Variants in PGM2L1 observed in about 807,000 individuals in gnomAD.
PGM2L1 encodes the protein phosphoglucomutase 2 like 1.
Under a neutral mutation model 73.4 loss-of-function variants are expected in PGM2L1, and 35 were observed. The observed-to-expected ratio is 0.48, with a 90% CI of 0.36 to 0.63. The LOEUF is 0.63. Ranked by LOEUF, PGM2L1 falls within the 30% of genes least tolerant of loss-of-function variation. The pLI is 0.00. For synonymous variants in PGM2L1, 225 were observed against 253.8 expected (o/e 0.89, Z 1.08); for missense variants, 570 against 742.0 (o/e 0.77, Z 2.69).
intron 6 of PGM2L1, among the ~76,000 whole-genome samples, chr11:74,348,849 A>G (rs1862307029): frequency 6.6e-6 from 1 of 152,218 alleles, no homozygotes; most frequent in Admixed American, 6.5e-5. Context: ...AACTGCATTT[A>G]GAGGTAACAT....
At chr11:74,384,138 C>A (rs185449637) in intron 1 of PGM2L1, among the ~76,000 whole-genome samples, 4 of 152,048 alleles carry the variant, frequency 2.6e-5, no homozygotes, top group Non-Finnish European at 4.4e-5. Context: ...CCACTCCCCC[C>A]GCATCCTTTT....
chr11:74,398,035 C>T lies in PGM2L1; in HGVS notation c.111+16G>A. The T allele has an allele frequency of 1.3e-6, 2 of 1,590,002 alleles. No homozygotes were observed. Among genetic ancestry groups the T allele is most frequent in the Non-Finnish European group, 1.7e-6 (2 of 1,167,414 alleles). ...GGGGGAGGCGACGGCGTTTGCCGGG[C>T]TGACCAGGTACCCACCTTATCCCAG... is the stretch of plus-strand genomic sequence containing the variant. On this transcript the variant is annotated intron_variant, in intron 1 of 13. Transcript: ENST00000298198.
At chr11:74,349,402 C>T (rs939616158) in intron 6 of PGM2L1, among the ~76,000 whole-genome samples, 15 of 152,062 alleles carry the variant, frequency 9.9e-5, no homozygotes, top group African/African-American at 3.4e-4. Flanking sequence ...CTTTTTGATG[C>T]CCAACTATCC....
chr11:74,381,403 T>A (rs1407716063), intron 1 of PGM2L1, among the ~76,000 whole-genome samples: 1 of 152,090 alleles, frequency 6.6e-6, no homozygotes, highest in African/African-American at 2.4e-5. Flanking sequence ...GAGGAGTATG[T>A]AGCAACAAGA....
chr11:74,389,116 G>A (rs527523616), intron 1 of PGM2L1, among the ~76,000 whole-genome samples: 17 of 152,134 alleles, frequency 1.1e-4, no homozygotes, highest in Non-Finnish European at 1.9e-4. Flanking sequence ...CTAAGCTAAT[G>A]TAACCAGGTG....
intron 5 of PGM2L1, among the ~76,000 whole-genome samples, chr11:74,359,545 G>GTATATATACACGTACATACATATATATA (rs1862519858): frequency 6.9e-6 from 1 of 144,752 alleles, no homozygotes; most frequent in Non-Finnish European, 1.5e-5. Flanking sequence ...CTATATGTGT[G>GTATATATACACGTACATACATATATATA]TATATATACA....
At chr11:74,355,032 C>T (rs1390883806) in intron 5 of PGM2L1, 24 of 1,310,546 alleles carry the variant, frequency 1.8e-5, no homozygotes, top group Non-Finnish European at 2.3e-5. Flanking sequence ...CCAAAGAGGT[C>T]GAAGTGGCTC....
At chr11:74,388,820 T>C (rs1045852825) in intron 1 of PGM2L1, among the ~76,000 whole-genome samples, 9 of 152,164 alleles carry the variant, frequency 5.9e-5, no homozygotes, top group African/African-American at 9.7e-5. Context: ...TTCACCAGCA[T>C]AGAACATTTT....
At chr11:74,374,336 C>G in intron 2 of PGM2L1, 79 bp downstream of exon 2, 1 of 1,246,354 alleles carries the variant, frequency 8.0e-7, no homozygotes, top group South Asian at 1.9e-5. Flanking sequence ...CCCGCCTCAG[C>G]CTCCCAAACT....
chr11:74,351,948 C>T (rs946220393), intron 5 of PGM2L1, among the ~76,000 whole-genome samples: 1 of 143,586 alleles, frequency 7.0e-6, no homozygotes, highest in Admixed American at 7.3e-5. Flanking sequence ...AGCTACAGAG[C>T]GAGACTCTGT....
intron 1 of PGM2L1, among the ~76,000 whole-genome samples, chr11:74,387,125 C>G (rs1047378447): frequency 6.6e-6 from 1 of 152,148 alleles, no homozygotes; most frequent in African/African-American, 2.4e-5. Context: ...ATCTACATTT[C>G]TATGAGAGTT....
chr11:74,368,575 G>A lies in PGM2L1; in HGVS notation c.472C>T (p.Pro158Ser). 6.2e-7 allele frequency: 1 copy of A among 1,612,506 alleles called. No individual in the cohort carries two copies. The highest frequency in any genetic ancestry group is 1.1e-5 in the South Asian group (1 of 91,024). Residue 158 changes from proline to serine, a missense_variant and splice_region_variant, in exon 5 of 14, where the codon CCA becomes TCA. Transcript: ENST00000298198. ...GCTTTGAGCTTCTGAACTGCATATG[G>A]CTGAAAAATAAATAACACCATAATT... ...FSRYVPTPFV[P>S]YAVQKLKAVA... is the part of the protein sequence containing the mutation.
intron 1 of PGM2L1, among the ~76,000 whole-genome samples, chr11:74,385,658 A>ATT (rs1187814467): frequency 8.5e-5 from 13 of 152,132 alleles, no homozygotes; most frequent in African/African-American, 3.1e-4. Flanking sequence ...GCTTAATTTA[A>ATT]CGTATACTCA....
chr11:74,366,221 G>T (rs1405241744), intron 5 of PGM2L1, among the ~76,000 whole-genome samples: 1 of 151,870 alleles, frequency 6.6e-6, no homozygotes, highest in Non-Finnish European at 1.5e-5. Flanking sequence ...GTGGGGTGGG[G>T]GGATGGGGGA....
chr11:74,391,035 C>G (rs1863094612), intron 1 of PGM2L1, among the ~76,000 whole-genome samples: 1 of 152,040 alleles, frequency 6.6e-6, no homozygotes, highest in African/African-American at 2.4e-5. Flanking sequence ...TTTTTCTTTC[C>G]TTAAGATCCA....
chr11:74,341,389 G>C (rs1233275196), intron 12 of PGM2L1, among the ~76,000 whole-genome samples: 1 of 152,102 alleles, frequency 6.6e-6, no homozygotes, highest in Non-Finnish European at 1.5e-5. Flanking sequence ...AATCAACAGA[G>C]TAAAGTAAAA....
chr11:74,356,763 T>A (rs1012040481), intron 5 of PGM2L1, among the ~76,000 whole-genome samples: 4 of 151,902 alleles, frequency 2.6e-5, no homozygotes, highest in Non-Finnish European at 4.4e-5. Context: ...AGCAAATAGT[T>A]TAACAGATGC....
intron 12 of PGM2L1, among the ~76,000 whole-genome samples, chr11:74,340,768 C>T (rs1862170136): frequency 6.6e-6 from 1 of 152,112 alleles, no homozygotes; most frequent in Non-Finnish European, 1.5e-5. Flanking sequence ...GGAAGGCACA[C>T]TATGTAATGA....
Position 74,331,710 on chromosome 11 carries a change from CAT to C in PGM2L1, c.*4940_*4941del. The C allele has an allele frequency of 6.6e-6, 1 of 152,168 alleles. No individual in the cohort carries two copies. The allele number at this position is 152,168 out of a possible 1,614,324, so 9.4% of individuals were successfully genotyped here. A position where few individuals can be genotyped will look rare whatever the true frequency, so the allele number is the denominator to read the frequency against. On this transcript the variant is annotated 3_prime_UTR_variant, in exon 14 of 14. Coordinates refer to ENST00000298198, the MANE Select transcript of PGM2L1 (RefSeq NM_173582.6). Reference sequence around the variant, plus strand: ...GGCATAAGTTTCAGTAAAGATTAAACATATCATTTTTATATTAAAAGTTTTAT... The same window carrying C: ...GGCATAAGTTTCAGTAAAGATTAAACATCATTTTTATATTAAAAGTTTTAT...
Sources: gnomAD v4.1 joint callset for allele counts (sites outside exome capture counted in the v4.1 genomes callset) on GRCh38, gnomAD v4.1.1 for gene constraint, MANE v1.5 for transcripts, NCBI Gene and HGNC (gene_info 2026-07-23, HGNC 2026-07-21) for gene names.